PCID2: variants seen among roughly 807,000 people sequenced by gnomAD.
PCID2 encodes PCI domain containing 2, also known as PCI domain-containing protein 2.
Under a neutral mutation model 61.3 loss-of-function variants are expected in PCID2, and 41 were observed. The ratio of observed to expected loss-of-function variants is 0.67; its 90% confidence interval spans 0.52 to 0.87. The LOEUF (loss-of-function observed/expected upper bound fraction) is 0.87. Among genes scored for constraint, PCID2 ranks in the 40% least tolerant of loss-of-function variants. The pLI is 0.00. For synonymous variants in PCID2, 187 were observed against 177.8 expected (o/e 1.05, Z -0.41); for missense variants, 392 against 493.4 (o/e 0.79, Z 1.95).
intron 5 of PCID2, among the ~76,000 whole-genome samples, chr13:113,195,788 G>C (rs1342857263): frequency 2.0e-5 from 3 of 152,078 alleles, no homozygotes; most frequent in African/African-American, 7.2e-5. Flanking sequence ...GTTTGGCAAG[G>C]CATTTAAAAA....
downstream of PCID2, among the ~76,000 whole-genome samples, chr13:113,176,507 AC>A (rs11335752): frequency 0.45 from 6,448 of 14,486 alleles, 1,239 homozygotes; most frequent in Middle Eastern, 0.64. Flanking sequence ...CATGCCTGTC[AC>A]CCCAGCACTT....
chr13:113,196,929 T>C, intron 4 of PCID2: 1 of 972,496 alleles, frequency 1.0e-6, no homozygotes, highest in Non-Finnish European at 1.7e-6. Context: ...AGCATTCTTC[T>C]TCTCAGCAGA....
chr13:113,170,668 C>CATAA, the PCID2 span: 4 of 655,610 alleles, frequency 6.1e-6, no homozygotes, highest in Non-Finnish European at 1.1e-5. Flanking sequence ...AACTGAGATA[C>CATAA]TTATCAACTC....
chr13:113,190,230 TAAA>T (rs57820999), intron 7 of PCID2, among the ~76,000 whole-genome samples: 1 of 129,512 alleles, frequency 7.7e-6, no homozygotes. Context: ...CAGAAGAAAT[TAAA>T]AAAAAAAAAA....
intron 4 of PCID2, 102 bp from the exon 5 acceptor site, chr13:113,196,324 T>C (rs543216561): frequency 1.1e-6 from 1 of 870,724 alleles, no homozygotes; most frequent in East Asian, 2.4e-5. Context: ...AGATCACCCT[T>C]GAGCAGATTT....
downstream of PCID2, among the ~76,000 whole-genome samples, chr13:113,173,703 G>A (rs774606902): frequency 4.6e-5 from 7 of 152,084 alleles, no homozygotes; most frequent in Non-Finnish European, 1.0e-4. Flanking sequence ...TAATGGGGAG[G>A]GCAGTTTAAA....
intron 8 of PCID2, among the ~76,000 whole-genome samples, chr13:113,184,893 C>T (rs2037966321): frequency 6.6e-6 from 1 of 151,194 alleles, no homozygotes; most frequent in Admixed American, 6.6e-5. Context: ...GGGGCGCAGC[C>T]CTGCAGGAGC....
rs2037388012 is a variant in PCID2, at chr13:113,179,146, G to A, written c.987-57C>T. The A allele has an allele frequency of 6.6e-7, 1 of 1,511,244 alleles. No homozygotes were observed. The highest frequency in any genetic ancestry group is 9.0e-7 in the Non-Finnish European group (1 of 1,113,598). 93.6% of individuals were successfully genotyped at this position (1,511,244 alleles called of 1,614,324 possible). ...TACCGACAGGATGCAATACTCCACAGCCAAGAAAAGGCACCTCTTAATAAG... is the reference window on the plus strand; with the variant it reads ...TACCGACAGGATGCAATACTCCACAACCAAGAAAAGGCACCTCTTAATAAG... On this transcript the variant is annotated intron_variant, in intron 12 of 13. Coordinates refer to ENST00000337344, the MANE Select transcript of PCID2 (RefSeq NM_001127202.4). This position sits in a 1 kb window ranked among gnomAD's most constrained non-coding sequence, Gnocchi z 4.3.
At chr13:113,197,819 A>G (rs79698229) in intron 3 of PCID2, among the ~76,000 whole-genome samples, 50 of 152,372 alleles carry the variant, frequency 3.3e-4, no homozygotes, top group African/African-American at 1.2e-3. Context: ...ATAAAACAGT[A>G]GATATGAAGT....
intron 9 of PCID2, 58 bp from the exon 10 acceptor site, chr13:113,181,288 C>T (rs527557944): frequency 1.9e-6 from 2 of 1,042,970 alleles, no homozygotes; most frequent in African/African-American, 3.1e-5. Flanking sequence ...CAGGCCCCTT[C>T]CTGCTCCATT....
intron 1 of PCID2, among the ~76,000 whole-genome samples, chr13:113,204,880 C>A (rs934150931): frequency 1.3e-5 from 2 of 152,168 alleles, no homozygotes; most frequent in African/African-American, 2.4e-5. Flanking sequence ...GAGCCTTCAG[C>A]CCTCAATGGG....
intron 4 of PCID2, 81 bp downstream of exon 4, chr13:113,197,097 C>T (rs2039072206): frequency 2.5e-6 from 4 of 1,614,214 alleles, no homozygotes; most frequent in Non-Finnish European, 3.4e-6. Flanking sequence ...GCAACTGGCC[C>T]AGTGTTTCCG....
chr13:113,165,411 C>T, the PCID2 span, among the ~76,000 whole-genome samples: 11 of 152,322 alleles, frequency 7.2e-5, no homozygotes, highest in Admixed American at 5.2e-4. Flanking sequence ...TCTCTGCTCT[C>T]GGCTGCTGGC....
At chr13:113,195,549 G>A (rs2038950146) in intron 5 of PCID2, among the ~76,000 whole-genome samples, 1 of 152,106 alleles carries the variant, frequency 6.6e-6, no homozygotes, top group South Asian at 2.1e-4. Context: ...AAACTGGACT[G>A]TTTTCATGTG....
intron 1 of PCID2, chr13:113,208,330 G>C (rs948412169): frequency 7.0e-7 from 1 of 1,433,102 alleles, no homozygotes; most frequent in Non-Finnish European, 9.1e-7. Context: ...GCAGCGACCT[G>C]GGACCGCCGC....
At chr13:113,197,481 CAT>C (rs1339141183) in intron 3 of PCID2, among the ~76,000 whole-genome samples, 1 of 152,234 alleles carries the variant, frequency 6.6e-6, no homozygotes, top group African/African-American at 2.4e-5. Context: ...ATGAGTAACA[CAT>C]GTTGATAACA....
At chr13:113,165,086 A>C in the PCID2 span, 1 of 1,612,928 alleles carries the variant, frequency 6.2e-7, no homozygotes, top group Non-Finnish European at 8.5e-7. Flanking sequence ...ACCTCTGAGA[A>C]GCGTGCACCG....
intron 1 of PCID2, among the ~76,000 whole-genome samples, chr13:113,204,911 G>A (rs183130833): frequency 4.8e-4 from 73 of 152,302 alleles, no homozygotes; most frequent in African/African-American, 1.5e-3. Flanking sequence ...CAGACTCCAA[G>A]TGAGCACCTT....
intron 2 of PCID2, among the ~76,000 whole-genome samples, chr13:113,198,705 A>ATAAC (rs2039204455): frequency 6.8e-6 from 1 of 147,204 alleles, no homozygotes; most frequent in African/African-American, 2.7e-5. Context: ...ACTCTGTCTC[A>ATAAC]TAAATAAATA....
Sources: gnomAD v4.1 joint callset for allele counts (sites outside exome capture counted in the v4.1 genomes callset) on GRCh38, gnomAD v4.1.1 for gene constraint, Gnocchi (gnomAD v3.1) non-coding constraint, MANE v1.5 for transcripts, NCBI Gene and HGNC (gene_info 2026-07-23, HGNC 2026-07-21) for gene names.